The following CEP164 variants were observed in gnomAD, a reference collection of about 807,000 sequenced individuals.
CEP164 encodes the protein centrosomal protein 164, also known as centrosomal protein of 164 kDa.
CEP164 carries 162 observed loss-of-function variants against 182.7 expected under a neutral mutation model. The observed-to-expected ratio is 0.89, with a 90% CI of 0.78 to 1.01. CEP164 has a LOEUF of 1.01. Ranked by LOEUF, CEP164 falls within the 50% of genes least tolerant of loss-of-function variation. The pLI is 0.00. For missense variants in CEP164, 1,735 were observed against 1,790.4 expected, an observed-to-expected ratio of 0.97 and a Z score of 0.56; for synonymous variants, 661 against 690.0, an observed-to-expected ratio of 0.96 and a Z score of 0.66.
chr11:117,400,726 G>A (rs1322812596), intron 27 of CEP164, among the ~76,000 whole-genome samples: 3 of 152,104 alleles, frequency 2.0e-5, no homozygotes, highest in Non-Finnish European at 4.4e-5. Context: ...GGATTCCTAG[G>A]TATTTTATTC....
chr11:117,363,340 G>T, intron 7 of CEP164, 89 bp from the exon 8 acceptor site: 1 of 893,016 alleles, frequency 1.1e-6, no homozygotes, highest in East Asian at 2.5e-5. Flanking sequence ...TGTCAGCTCA[G>T]CAGTGCCCCA....
chr11:117,408,928 G>A lies in CEP164; in HGVS notation c.3648G>A (p.Lys1216=). ...GCACTCTGGGAGGATCCCCCACCAA[G>A]AAGGCAGTAACCTTCGACCTCAGTG... is the stretch of plus-strand genomic sequence containing the variant. ...DEGTLGGSPT[K]KAVTFDLSDM... Residue 1216 remains lysine, a synonymous_variant, in exon 29 of 33, where the codon AAG becomes AAA. Coordinates refer to ENST00000278935, the MANE Select transcript of CEP164 (RefSeq NM_014956.5). 1 of 1,614,170 alleles carries A rather than the reference G, an allele frequency of 6.2e-7. No individual in the cohort carries two copies. The highest frequency in any genetic ancestry group is 8.5e-7 in the Non-Finnish European group (1 of 1,180,016).
intron 5 of CEP164, chr11:117,356,722 A>C: frequency 9.1e-7 from 1 of 1,098,786 alleles, no homozygotes. Context: ...CCTGTTACCC[A>C]CCCTACCGTG....
intron 15 of CEP164, among the ~76,000 whole-genome samples, chr11:117,388,410 T>A (rs2044193085): frequency 6.6e-6 from 1 of 152,272 alleles, no homozygotes; most frequent in Non-Finnish European, 1.5e-5. Context: ...GTGATTTCTC[T>A]GTGGACACTG....
At chr11:117,334,136 A>G (rs1471162610) in intron 1 of CEP164, among the ~76,000 whole-genome samples, 1 of 152,190 alleles carries the variant, frequency 6.6e-6, no homozygotes, top group East Asian at 1.9e-4. Context: ...AGACGAGCTC[A>G]AGAGTAGCAG....
Position 117,409,548 on chromosome 11 carries a change from A to G in CEP164, c.3749-70A>G. ...GGTGGCCAGTAGGGTCCTCCATGACAGCTGTGTCTGGGAATGGTCCAGGGT... is the reference window on the plus strand; with the variant it reads ...GGTGGCCAGTAGGGTCCTCCATGACGGCTGTGTCTGGGAATGGTCCAGGGT... On this transcript the variant is annotated intron_variant, in intron 29 of 32. Coordinates refer to ENST00000278935, the MANE Select transcript of CEP164 (RefSeq NM_014956.5). The surrounding 1 kb of genome is among the most constrained non-coding windows in gnomAD (Gnocchi z 4.4). The G allele has an allele frequency of 7.1e-7, 1 of 1,408,784 alleles. No individual in the cohort carries two copies. Among genetic ancestry groups the G allele is most frequent in the Non-Finnish European group, 9.7e-7 (1 of 1,026,088 alleles). The allele number at this position is 1,408,784 out of a possible 1,614,324, so 87.3% of individuals were successfully genotyped here.
chr11:117,397,313 G>A lies in CEP164; in HGVS notation c.3501G>A (p.Lys1167=). Residue 1167 remains lysine (K), a splice_region_variant and synonymous_variant, in exon 27 of 33, where the codon AAG becomes AAA. Transcript: ENST00000278935. ...AAGATATGCGCAAGAACCTGGAGAA[G>A]GTCAGGAGCTTTGGGAAGGGCCTGC... ...ALEDMRKNLE[K]ETRHLDEMKS... is the part of the protein sequence containing the mutation. The A allele has an allele frequency of 1.2e-6, 2 of 1,610,036 alleles. No individual in the cohort carries two copies. Among genetic ancestry groups the A allele is most frequent in the Non-Finnish European group, 8.5e-7 (1 of 1,178,278 alleles).
At chr11:117,391,520 G>A (rs1474989768) in intron 17 of CEP164, among the ~76,000 whole-genome samples, 1 of 152,058 alleles carries the variant, frequency 6.6e-6, no homozygotes, top group Non-Finnish European at 1.5e-5. Flanking sequence ...ACCCTCAGAG[G>A]CTTGAGGGAG....
Position 117,392,218 on chromosome 11 carries a change from C to G in CEP164, c.2284-8C>G, listed in dbSNP as rs761454104. 38 of 1,571,722 alleles carry G rather than the reference C, an allele frequency of 2.4e-5. 1 individual carries two copies. The South Asian group carries it at 4.3e-4, about 18-fold the overall frequency. ...AGCTTCACTCACAGTCCCTTTGCTC[C>G]TCCCCAGGCTGTGGCAACGCTGGAG... On this transcript the variant is annotated splice_polypyrimidine_tract_variant and splice_region_variant and intron_variant, in intron 17 of 32. Coordinates refer to ENST00000278935, the MANE Select transcript of CEP164 (RefSeq NM_014956.5).
Position 117,362,539 on chromosome 11 carries a change from G to A in CEP164, c.687+1G>A, listed in dbSNP as rs193201363. On this transcript the variant is annotated splice_donor_variant, in intron 7 of 32. Transcript: ENST00000278935. LOFTEE classifies it high-confidence loss of function. ...GGATGAGGAGGAAAGTGACAACCAG[G>A]TAATGATGAAGTCCTCTCCCTGGCC... 2 of 1,612,954 alleles carry A rather than the reference G, an allele frequency of 1.2e-6. No individual in the cohort carries two copies. The highest frequency in any genetic ancestry group is 1.7e-5 in the Admixed American group (1 of 60,006).
At chr11:117,371,035 A>G in intron 8 of CEP164, 45 bp from the exon 9 acceptor site, 1 of 1,521,346 alleles carries the variant, frequency 6.6e-7, no homozygotes, top group Non-Finnish European at 8.8e-7. Context: ...CTCCTTTTGC[A>G]CATTCCTTTT....
chr11:117,404,543 AC>A (rs1334516155), intron 27 of CEP164, among the ~76,000 whole-genome samples: 1 of 152,118 alleles, frequency 6.6e-6, no homozygotes, highest in Non-Finnish European at 1.5e-5. Context: ...CCAGAGGGGC[AC>A]CCACCAGATG....
chr11:117,388,291 G>A (rs2044183575), intron 15 of CEP164, among the ~76,000 whole-genome samples: 1 of 152,226 alleles, frequency 6.6e-6, no homozygotes, highest in South Asian at 2.1e-4. Context: ...GGGAAGACTG[G>A]CATGCTAGAA....
At chr11:117,356,939 G>T (rs983844603) in intron 5 of CEP164, among the ~76,000 whole-genome samples, 1 of 152,042 alleles carries the variant, frequency 6.6e-6, no homozygotes, top group South Asian at 2.1e-4. Flanking sequence ...CCTGGCATTC[G>T]TGCAGGATAT....
At chr11:117,374,969 C>T (rs923136063) in intron 10 of CEP164, among the ~76,000 whole-genome samples, 24 of 152,220 alleles carry the variant, frequency 1.6e-4, no homozygotes, top group South Asian at 4.1e-4. Context: ...GGGCCTGTGG[C>T]AGCCAAAGGA....
At chr11:117,401,020 T>C (rs1197307235) in intron 27 of CEP164, among the ~76,000 whole-genome samples, 1 of 152,216 alleles carries the variant, frequency 6.6e-6, no homozygotes, top group Non-Finnish European at 1.5e-5. Context: ...CTTCCAATAC[T>C]GTGTTGAATA....
chr11:117,395,542 C>T lies in CEP164; in HGVS notation c.2914-5C>T, dbSNP rs2136450157. 1 of 1,606,340 alleles carries T rather than the reference C, an allele frequency of 6.2e-7. No homozygotes were observed. The highest frequency in any genetic ancestry group is 1.1e-5 in the South Asian group (1 of 89,698). On this transcript the variant is annotated splice_region_variant and splice_polypyrimidine_tract_variant and intron_variant, in intron 23 of 32. Transcript: ENST00000278935. ...GGGTGCTTCTATCTTTCCTTTTGCC[C>T]CTAGGAAGCCACAGCCACCCATCAG... is the stretch of plus-strand genomic sequence containing the variant.
At chr11:117,402,779 T>C (rs1012404882) in intron 27 of CEP164, among the ~76,000 whole-genome samples, 3 of 152,212 alleles carry the variant, frequency 2.0e-5, no homozygotes, top group Non-Finnish European at 4.4e-5. Context: ...ATTTTCTGTC[T>C]CGTTGATCTG....
chr11:117,369,111 C>T (rs542435514), intron 8 of CEP164, among the ~76,000 whole-genome samples: 9 of 152,250 alleles, frequency 5.9e-5, no homozygotes, highest in Non-Finnish European at 1.2e-4. Context: ...ATGGTTTGGC[C>T]ATATTTGGAT....
Sources: gnomAD v4.1 joint callset for allele counts (sites outside exome capture counted in the v4.1 genomes callset) on GRCh38, gnomAD v4.1.1 for gene constraint, Gnocchi (gnomAD v3.1) non-coding constraint, MANE v1.5 for transcripts, NCBI Gene and HGNC (gene_info 2026-07-23, HGNC 2026-07-21) for gene names.